The following ANKFN1 variants were observed in gnomAD, a reference collection of about 807,000 sequenced individuals.
ANKFN1 encodes ankyrin repeat and fibronectin type-III domain-containing protein 1.
In ANKFN1, 74 loss-of-function variants were observed where a neutral mutation model predicts 108.7. That is an observed-to-expected ratio of 0.68 (90% confidence interval 0.56 to 0.83). ANKFN1 has a LOEUF of 0.83. Ranked by LOEUF, ANKFN1 falls within the 40% of genes least tolerant of loss-of-function variation. The pLI, the probability that ANKFN1 is intolerant of heterozygous loss-of-function variation, is 0.00. For synonymous variants in ANKFN1, 547 were observed against 516.2 expected (o/e 1.06, Z -0.81); for missense variants, 1,505 against 1,382.3 (o/e 1.09, Z -1.41).
intron 3 of ANKFN1, among the ~76,000 whole-genome samples, chr17:56,267,044 A>C (rs1391028005): frequency 1.3e-5 from 2 of 152,080 alleles, no homozygotes; most frequent in Non-Finnish European, 2.9e-5. Context: ...TCCACTCAAT[A>C]GGTAGTTTTT....
intron 1 of ANKFN1, among the ~76,000 whole-genome samples, chr17:56,198,672 A>G (rs1002269088): frequency 1.3e-5 from 2 of 152,100 alleles, no homozygotes; most frequent in Admixed American, 6.5e-5. Context: ...AAAAATTACC[A>G]TTTTTTCTCC....
intron 4 of ANKFN1, among the ~76,000 whole-genome samples, chr17:56,053,313 G>C (rs1286341703): frequency 6.6e-6 from 1 of 152,002 alleles, no homozygotes; most frequent in East Asian, 1.9e-4. Flanking sequence ...ACCCTTCCCA[G>C]CCTCTGGTAA....
At chr17:56,338,852 G>A (rs149607878) in intron 4 of ANKFN1, among the ~76,000 whole-genome samples, 6 of 152,142 alleles carry the variant, frequency 3.9e-5, no homozygotes, top group African/African-American at 1.4e-4. Flanking sequence ...GTAAGGAATG[G>A]TAAAGCCTGA....
At chr17:56,412,640 T>A (rs1598559101) in intron 8 of ANKFN1, among the ~76,000 whole-genome samples, 1 of 152,332 alleles carries the variant, frequency 6.6e-6, no homozygotes, top group East Asian at 1.9e-4. Context: ...TCCAAGTTCT[T>A]CAGCTTTTGG....
At chr17:56,389,232 A>T (rs1458887288) in intron 8 of ANKFN1, among the ~76,000 whole-genome samples, 2 of 152,196 alleles carry the variant, frequency 1.3e-5, no homozygotes, top group Non-Finnish European at 2.9e-5. Context: ...CAACTAAAAA[A>T]CCAAACTATT....
chr17:56,350,654 C>G (rs1002485809), intron 4 of ANKFN1, 112 bp from the exon 5 acceptor site: 160 of 994,848 alleles, frequency 1.6e-4, no homozygotes, highest in Non-Finnish European at 2.2e-4. Flanking sequence ...AAGGTCCCTA[C>G]CAGCTCTAAT....
At chr17:56,419,838 A>G (rs1033746897) in intron 8 of ANKFN1, among the ~76,000 whole-genome samples, 1 of 151,856 alleles carries the variant, frequency 6.6e-6, no homozygotes, top group Non-Finnish European at 1.5e-5. Flanking sequence ...AGAAAGAAAT[A>G]AGAAGAAAAA....
intron 4 of ANKFN1, among the ~76,000 whole-genome samples, chr17:56,337,147 T>C (rs1293877071): frequency 1.3e-5 from 2 of 152,170 alleles, no homozygotes; most frequent in Non-Finnish European, 2.9e-5. Context: ...AACTATGTGG[T>C]CAATTTTGGA....
chr17:56,337,523 C>T (rs1488749465), intron 4 of ANKFN1, among the ~76,000 whole-genome samples: 1 of 152,134 alleles, frequency 6.6e-6, no homozygotes, highest in African/African-American at 2.4e-5. Flanking sequence ...TCAGAGTCAA[C>T]AGGCAACTTA....
chr17:56,449,648 T>C (rs2049418545), intron 11 of ANKFN1, among the ~76,000 whole-genome samples: 1 of 152,152 alleles, frequency 6.6e-6, no homozygotes, highest in South Asian at 2.1e-4. Flanking sequence ...TCACACCCAG[T>C]ATCTCATTTT....
chr17:56,306,959 C>G (rs557111074), intron 3 of ANKFN1, among the ~76,000 whole-genome samples: 4 of 152,116 alleles, frequency 2.6e-5, no homozygotes, highest in Non-Finnish European at 4.4e-5. Flanking sequence ...ACAAACCTGA[C>G]AAAAACAAGA....
chr17:56,370,867 C>A (rs1397324601), intron 6 of ANKFN1, among the ~76,000 whole-genome samples: 1 of 152,092 alleles, frequency 6.6e-6, no homozygotes, highest in African/African-American at 2.4e-5. Flanking sequence ...TTGTCAATCT[C>A]ACTGCTCCAG....
At chr17:56,387,873 T>G (rs1239773857) in intron 8 of ANKFN1, among the ~76,000 whole-genome samples, 1 of 152,184 alleles carries the variant, frequency 6.6e-6, no homozygotes, top group East Asian at 1.9e-4. Flanking sequence ...ATTTGTCTCT[T>G]GTAAAGGGTA....
At chr17:56,464,674 A>G (rs1199897067) in intron 14 of ANKFN1, among the ~76,000 whole-genome samples, 1 of 152,170 alleles carries the variant, frequency 6.6e-6, no homozygotes, top group Non-Finnish European at 1.5e-5. Flanking sequence ...GCAGTAAAGA[A>G]AGCCCCCACC....
At position 56,456,847 on chromosome 17, in the gene ANKFN1, A is replaced by T. The variant is rs778970808; in HGVS notation, c.1208-14A>T. The T allele has an allele frequency of 1.9e-6, 3 of 1,609,908 alleles. No homozygotes were observed. Among genetic ancestry groups the T allele is most frequent in the Non-Finnish European group, 2.6e-6 (3 of 1,176,266 alleles). ...CAGTGGAATTTATACTGTATTTTTTAAAATACATTCCAGAAAGCACAAAAT... is the reference window on the plus strand; with the variant it reads ...CAGTGGAATTTATACTGTATTTTTTTAAATACATTCCAGAAAGCACAAAAT... On this transcript the variant is annotated splice_polypyrimidine_tract_variant and intron_variant, in intron 11 of 20. Coordinates refer to ENST00000682825, the MANE Select transcript of ANKFN1 (RefSeq NM_001370326.1).
chr17:56,321,598 C>T (rs1479481630), intron 3 of ANKFN1, among the ~76,000 whole-genome samples: 3 of 152,078 alleles, frequency 2.0e-5, no homozygotes, highest in African/African-American at 4.8e-5. Flanking sequence ...GCATTTGCAG[C>T]GATATATGGA....
At chr17:56,498,430 A>G (rs1280095040) in intron 19 of ANKFN1, among the ~76,000 whole-genome samples, 2 of 152,146 alleles carry the variant, frequency 1.3e-5, no homozygotes, top group Non-Finnish European at 2.9e-5. Context: ...ATAATCTGGG[A>G]TATAATAACC....
chr17:56,130,236 G>C (rs1287323774), intron 4 of ANKFN1, among the ~76,000 whole-genome samples: 5 of 152,158 alleles, frequency 3.3e-5, no homozygotes, highest in African/African-American at 9.7e-5. Flanking sequence ...CAGTGATCTG[G>C]GCTGTTACAG....
At chr17:56,320,463 T>C (rs58805334) in intron 3 of ANKFN1, among the ~76,000 whole-genome samples, 6,640 of 152,170 alleles carry the variant, frequency 0.044, 499 homozygotes, top group African/African-American at 0.15. Flanking sequence ...AGAATTATGA[T>C]AAAATGTTGG....
Sources: gnomAD v4.1 joint callset for allele counts (sites outside exome capture counted in the v4.1 genomes callset) on GRCh38, gnomAD v4.1.1 for gene constraint, MANE v1.5 for transcripts, NCBI Gene and HGNC (gene_info 2026-07-23, HGNC 2026-07-21) for gene names.